Variants in SPICE1 observed in about 807,000 individuals in gnomAD.
SPICE1 encodes the protein spindle and centriole associated protein 1, also known as spindle and centriole-associated protein 1.
In SPICE1, 75 loss-of-function variants were observed where a neutral mutation model predicts 102.7. That is an observed-to-expected ratio of 0.73 (90% CI 0.61 to 0.88). The LOEUF (loss-of-function observed/expected upper bound fraction) is 0.88. Among genes scored for constraint, SPICE1 ranks in the 40% least tolerant of loss-of-function variants. SPICE1 has a pLI of 0.00. For missense variants in SPICE1, 979 were observed against 1,020.1 expected (o/e 0.96, Z 0.55); for synonymous variants, 308 against 350.3 (o/e 0.88, Z 1.35).
intron 7 of SPICE1, among the ~76,000 whole-genome samples, chr3:113,478,302 AG>A (rs1457083706): frequency 6.6e-6 from 1 of 152,198 alleles, no homozygotes; most frequent in East Asian, 1.9e-4. Context: ...ATTGTATACA[AG>A]AGACATACTT....
chr3:113,514,820 A>C, intron 1 of SPICE1, 77 bp downstream of exon 1: 1 of 1,259,860 alleles, frequency 7.9e-7, no homozygotes, highest in South Asian at 1.3e-5. Context: ...AAGCTCCCGA[A>C]AGCGGTGCGC....
chr3:113,506,564 AC>A lies in SPICE1; in HGVS notation c.41del (p.Gly14ValfsTer2). On this transcript the variant is annotated frameshift_variant, in exon 2 of 18. Coordinates refer to ENST00000295872, the MANE Select transcript of SPICE1 (RefSeq NM_144718.4). LOFTEE classifies it high-confidence loss of function. ...TCTTTACTTTCGGTGTCTTTCTTAC[AC>A]CAACTCGGGGACCACAGCGGTTCAC... ...VRVNRCGPRVGVRKTPKVKKK... is the reference protein window; with the variant it reads ...VRVNRCGPRVXVRKTPKVKKK... 6.2e-7 allele frequency: 1 copy of A among 1,613,544 alleles called. No homozygotes were observed. The highest frequency in any genetic ancestry group is 8.5e-7 in the Non-Finnish European group (1 of 1,179,850).
chr3:113,498,911 G>C (rs2107500486), intron 4 of SPICE1: 1 of 152,442 alleles, frequency 6.6e-6, no homozygotes, highest in Non-Finnish European at 1.5e-5. Context: ...TTAAGCCAAA[G>C]ACAAGTTGCT....
In SPICE1 at chr3:113,503,243, G is replaced by T. The variant is rs745764005; in HGVS notation, c.100-16C>A. ...TCACGGTATTCTGTAAAAAAAGGTG[G>T]CCTTTCTTTAAAAAAAAAAAAAAGT... is the stretch of plus-strand genomic sequence containing the variant. On this transcript the variant is annotated splice_polypyrimidine_tract_variant and intron_variant, in intron 2 of 17. Coordinates refer to ENST00000295872, the MANE Select transcript of SPICE1 (RefSeq NM_144718.4). 2.6e-6 allele frequency: 4 copies of T among 1,552,136 alleles called. No homozygotes were observed. The highest frequency in any genetic ancestry group is 2.3e-5 in the East Asian group (1 of 42,800).
intron 12 of SPICE1, among the ~76,000 whole-genome samples, chr3:113,458,384 C>T (rs991370457): frequency 1.3e-5 from 2 of 152,170 alleles, no homozygotes; most frequent in Non-Finnish European, 2.9e-5. Flanking sequence ...GACTGGTTTT[C>T]GTATTTTTTG....
intron 7 of SPICE1, among the ~76,000 whole-genome samples, chr3:113,486,396 A>T (rs959805009): frequency 6.6e-6 from 1 of 150,742 alleles, no homozygotes; most frequent in Non-Finnish European, 1.5e-5. Flanking sequence ...CCCTTCAAAA[A>T]ATCAATGAAT....
At chr3:113,476,107 G>A (rs890757287) in intron 7 of SPICE1, among the ~76,000 whole-genome samples, 2 of 151,954 alleles carry the variant, frequency 1.3e-5, no homozygotes, top group African/African-American at 4.8e-5. Context: ...CAAAATCAAT[G>A]TACAAAAATC....
rs530491833 is a variant in SPICE1, at chr3:113,446,593, G to A, written c.2510C>T (p.Ala837Val). The change falls in exon 17 of 18, where the codon GCA (alanine) becomes GTA (valine). Residue 837 changes from alanine to valine, a missense_variant. Transcript: ENST00000295872. ...SGRFTPLNPRAKIEKQNEEGW... is the reference protein window; with the variant it reads ...SGRFTPLNPRVKIEKQNEEGW... The stretch of plus-strand genomic sequence containing the variant: ...CAATTACATTTTAACGTGTACCTTT[G>A]CTCTTGGATTAAGAGGTGTGAATCT... 5.0e-6 allele frequency: 8 copies of A among 1,612,086 alleles called. No homozygotes were observed. The highest frequency in any genetic ancestry group is 6.8e-6 in the Non-Finnish European group (8 of 1,178,656).
Position 113,453,581 on chromosome 3 carries a change from G to A in SPICE1, c.2027C>T (p.Thr676Ile), listed in dbSNP as rs1935709218. Residue 676 changes from threonine to isoleucine, a missense_variant, in exon 14 of 18, where the codon ACA becomes ATA. Transcript: ENST00000295872. ...TGCCTTGATAGCTGAATTCTGCAATGTCAAATCAGCAATTCGTGTCATTAT... is the reference window on the plus strand; with the variant it reads ...TGCCTTGATAGCTGAATTCTGCAATATCAAATCAGCAATTCGTGTCATTAT... ...KDIMTRIADL[T>I]LQNSAIKAHM... The A allele has an allele frequency of 6.2e-7, 1 of 1,614,038 alleles. No homozygotes were observed. Among genetic ancestry groups the A allele is most frequent in the Admixed American group, 1.7e-5 (1 of 59,998 alleles).
At chr3:113,491,907 T>A (rs1437305691) in intron 6 of SPICE1, among the ~76,000 whole-genome samples, 3 of 152,224 alleles carry the variant, frequency 2.0e-5, no homozygotes. Flanking sequence ...AGTGTGCGAA[T>A]GGACTCTTCA....
chr3:113,498,405 C>T (rs1235005796), intron 4 of SPICE1, among the ~76,000 whole-genome samples: 1 of 152,122 alleles, frequency 6.6e-6, no homozygotes, highest in Non-Finnish European at 1.5e-5. Context: ...GGAAAATAAG[C>T]CCAGAGTCTG....
chr3:113,459,460 A>AC (rs1010268902), intron 12 of SPICE1: 26 of 978,720 alleles, frequency 2.7e-5, no homozygotes, highest in Middle Eastern at 5.2e-4. Context: ...ACAAAACAAA[A>AC]AAAAACAATA....
intron 7 of SPICE1, among the ~76,000 whole-genome samples, chr3:113,484,963 G>A (rs1191096585): frequency 2.0e-5 from 3 of 152,012 alleles, no homozygotes; most frequent in Non-Finnish European, 4.4e-5. Context: ...TGACCATAAA[G>A]TGTTAAAGTC....
chr3:113,444,329 G>A lies in SPICE1; in HGVS notation c.*978C>T, dbSNP rs144983005. 0.018 allele frequency: 2,752 copies of A among 152,078 alleles called. 86 individuals are homozygous for A. The highest frequency in any genetic ancestry group is 0.055 in the African/African-American group (2,280 of 41,454). 9.4% of individuals were successfully genotyped at this position (152,078 alleles called of 1,614,324 possible). Reference sequence around the variant, plus strand: ...AGCCTGGCCAACATGGTGAAACCCCGTCTCTACTGAAAATACACAAATTAG... The same window carrying A: ...AGCCTGGCCAACATGGTGAAACCCCATCTCTACTGAAAATACACAAATTAG... On this transcript the variant is annotated 3_prime_UTR_variant, in exon 18 of 18. Coordinates refer to ENST00000295872, the MANE Select transcript of SPICE1 (RefSeq NM_144718.4).
rs753802136 is a variant in SPICE1, at chr3:113,460,622, C to T, written c.1430G>A (p.Ser477Asn). ...SGATGRRVMD[S>N]PERPVVNANV... ...GAGAGTAAGACCACACTCACCTGGA[C>T]TGTCCATAACTCTTCTACCTGTGGC... The change falls in exon 12 of 18, where the codon AGT becomes AAT. Residue 477 changes from serine to asparagine, a missense_variant. By Grantham distance (46) the Ser-to-Asn change is conservative. Transcript: ENST00000295872. 3.2e-5 allele frequency: 51 copies of T among 1,609,570 alleles called. No individual in the cohort carries two copies. The highest frequency in any genetic ancestry group is 3.9e-5 in the Non-Finnish European group (46 of 1,178,026).
At chr3:113,496,589 G>C (rs2107498438) in intron 4 of SPICE1, among the ~76,000 whole-genome samples, 1 of 152,274 alleles carries the variant, frequency 6.6e-6, no homozygotes, top group Admixed American at 6.5e-5. Context: ...ACCCTAATTT[G>C]CTTGATTCCC....
intron 2 of SPICE1, 25 bp from the exon 3 acceptor site, chr3:113,503,252 T>C: frequency 7.8e-7 from 1 of 1,281,838 alleles, no homozygotes; most frequent in Non-Finnish European, 1.0e-6. Flanking sequence ...GGCCTTTCTT[T>C]AAAAAAAAAA....
rs549933993 is a variant in SPICE1 at position 113,487,890 on chromosome 3, A to G, written c.611+1055T>C. Among the ~76,000 whole-genome samples the G allele has an allele frequency of 2.8e-4, 42 of 152,312 alleles. 1 individual carries two copies. The South Asian group carries it at 3.5e-3, about 13-fold the overall frequency. On this transcript the variant is annotated intron_variant, in intron 7 of 17. Transcript: ENST00000295872. ...CAAAATGCATAAGTAAGCTGAGTCT[A>G]ATAATGAAGAACTTATAAGACAAAG...
chr3:113,512,908 A>C (rs1401905876), intron 1 of SPICE1, among the ~76,000 whole-genome samples: 1 of 152,214 alleles, frequency 6.6e-6, no homozygotes, highest in East Asian at 1.9e-4. Context: ...ATACAAGTAA[A>C]CAAGTAAACT....
Sources: gnomAD v4.1 joint callset for allele counts (sites outside exome capture counted in the v4.1 genomes callset) on GRCh38, gnomAD v4.1.1 for gene constraint, MANE v1.5 for transcripts, NCBI Gene and HGNC (gene_info 2026-07-23, HGNC 2026-07-21) for gene names.